The following SBF2 variants were observed in gnomAD, a reference collection of about 807,000 sequenced individuals.
SBF2 encodes myotubularin-related protein 13.
Under a neutral mutation model 225.2 loss-of-function variants are expected in SBF2, and 112 were observed. The ratio of observed to expected loss-of-function variants is 0.50; its 90% CI spans 0.43 to 0.58. The LOEUF is 0.58. SBF2 is among the 20% of genes least tolerant of loss of function. SBF2 has a pLI of 0.00. For synonymous variants in SBF2, 763 were observed against 773.3 expected (o/e 0.99, Z 0.22); for missense variants, 1,996 against 2,206.2 (o/e 0.90, Z 1.91).
intron 2 of SBF2, among the ~76,000 whole-genome samples, chr11:10,109,408 A>G (rs765212810): frequency 1.3e-5 from 2 of 152,230 alleles, no homozygotes; most frequent in East Asian, 1.9e-4. Context: ...GTCTCAATGC[A>G]TAAGACAAAT....
chr11:10,112,871 T>C (rs1186180372), intron 2 of SBF2, among the ~76,000 whole-genome samples: 1 of 152,212 alleles, frequency 6.6e-6, no homozygotes, highest in Non-Finnish European at 1.5e-5. Context: ...GTGCATTACA[T>C]ATGTGTACTT....
intron 1 of SBF2, among the ~76,000 whole-genome samples, chr11:10,227,066 T>G (rs1958598557): frequency 6.6e-6 from 1 of 152,246 alleles, no homozygotes; most frequent in South Asian, 2.1e-4. Flanking sequence ...TGCATTTCTC[T>G]GATGGCCAGT....
intron 17 of SBF2, among the ~76,000 whole-genome samples, chr11:9,880,854 T>C (rs1263080680): frequency 6.6e-6 from 1 of 152,240 alleles, no homozygotes; most frequent in Admixed American, 6.5e-5. Context: ...AGTAGCCTGC[T>C]ACAAAATTCT....
At chr11:9,888,970 T>C (rs778799370) in intron 17 of SBF2, among the ~76,000 whole-genome samples, 1 of 152,220 alleles carries the variant, frequency 6.6e-6, no homozygotes, top group Non-Finnish European at 1.5e-5. Flanking sequence ...ATTAGCTCTC[T>C]TTATTATTCC....
chr11:9,951,490 T>C (rs1344239174), intron 16 of SBF2, among the ~76,000 whole-genome samples: 1 of 152,150 alleles, frequency 6.6e-6, no homozygotes, highest in Non-Finnish European at 1.5e-5. Context: ...GTAATGCAGA[T>C]GAGTAAGACT....
At chr11:10,180,052 T>G (rs1956669834) in intron 2 of SBF2, among the ~76,000 whole-genome samples, 1 of 152,204 alleles carries the variant, frequency 6.6e-6, no homozygotes, top group Non-Finnish European at 1.5e-5. Flanking sequence ...TTCTACCTCA[T>G]TGCTCTGTAT....
rs1286899239 is a variant in SBF2 at position 9,780,456 on chromosome 11, A to G, written c.5512T>C (p.Trp1838Arg). 3.7e-6 allele frequency: 6 copies of G among 1,614,104 alleles called. No individual in the cohort carries two copies. Among genetic ancestry groups the G allele is most frequent in the Non-Finnish European group, 5.1e-6 (6 of 1,180,012 alleles). ...CAQDGQSAQQ[W>R]MDKIQSCISD... is the part of the protein sequence containing the mutation. ...ATACAACTCTGGATCTTGTCCATCC[A>G]TTGCTGGGCACTCTGTCCATCCTGG... is the stretch of plus-strand genomic sequence containing the variant. The change falls in exon 40 of 40, where the codon TGG (tryptophan) becomes CGG (arginine). Residue 1838 changes from tryptophan (W) to arginine (R), a missense_variant. By Grantham distance (101) the Trp-to-Arg change is moderately radical (BLOSUM62 -3). Coordinates refer to ENST00000256190, the MANE Select transcript of SBF2 (RefSeq NM_030962.4).
At chr11:10,285,215 T>A (rs1260794403) in intron 1 of SBF2, among the ~76,000 whole-genome samples, 2 of 151,206 alleles carry the variant, frequency 1.3e-5, no homozygotes, top group African/African-American at 2.4e-5. Flanking sequence ...CAGGCTGAGG[T>A]GGGAAGATGA....
At position 9,963,865 on chromosome 11, in the gene SBF2, C is replaced by A. The variant is rs201806063; in HGVS notation, c.1618G>T (p.Val540Leu). ...GPPVVSIMDK[V>L]TTVFNSAQRL... ...TGTGCACTGTTGAAAACTGTCGTCACCTTGTCCATTATCGAAACTAGTAAA... is the reference window on the plus strand; with the variant it reads ...TGTGCACTGTTGAAAACTGTCGTCAACTTGTCCATTATCGAAACTAGTAAA... The change falls in exon 15 of 40, where the codon GTG (valine) becomes TTG (leucine). Residue 540 changes from valine to leucine, a missense_variant. Val to Leu is a conservative substitution (Grantham distance 32, BLOSUM62 1). Coordinates refer to ENST00000256190, the MANE Select transcript of SBF2 (RefSeq NM_030962.4). 6.3e-7 allele frequency: 1 copy of A among 1,597,598 alleles called. No homozygotes were observed. The highest frequency in any genetic ancestry group is 8.6e-7 in the Non-Finnish European group (1 of 1,165,620).
intron 28 of SBF2, 126 bp from the exon 29 acceptor site, chr11:9,817,150 G>C (rs577298167): frequency 2.1e-6 from 2 of 974,554 alleles, no homozygotes; most frequent in Non-Finnish European, 3.2e-6. Context: ...TCTAAAAACC[G>C]TAAGTCATAT....
At chr11:10,182,192 T>C (rs11042651) in intron 2 of SBF2, among the ~76,000 whole-genome samples, 3,368 of 152,280 alleles carry the variant, frequency 0.022, 97 homozygotes, top group African/African-American at 0.067. Flanking sequence ...TATGGATGTA[T>C]AGATGTATAA....
intron 13 of SBF2, among the ~76,000 whole-genome samples, chr11:9,974,177 C>T (rs1233927735): frequency 1.3e-5 from 2 of 152,062 alleles, no homozygotes; most frequent in Non-Finnish European, 2.9e-5. Flanking sequence ...CTGAGACATT[C>T]AACTGAATGT....
chr11:10,181,311 T>C (rs958646004), intron 2 of SBF2, among the ~76,000 whole-genome samples: 2 of 152,112 alleles, frequency 1.3e-5, no homozygotes, highest in African/African-American at 2.4e-5. Flanking sequence ...AGCTATGAAA[T>C]CTGAGATTTC....
At chr11:10,043,019 C>A (rs1345410882) in intron 2 of SBF2, 38 bp from the exon 3 acceptor site, 3 of 1,583,078 alleles carry the variant, frequency 1.9e-6, no homozygotes, top group Middle Eastern at 1.7e-4. Flanking sequence ...CATTTAAAAA[C>A]AATAAAAGTT....
chr11:10,294,180 G>T lies in SBF2; in HGVS notation c.-111C>A, dbSNP rs769216751. 32 of 828,164 alleles carry T rather than the reference G, an allele frequency of 3.9e-5. No individual in the cohort carries two copies. The highest frequency in any genetic ancestry group is 5.0e-5 in the Non-Finnish European group (31 of 615,882). 51.3% of individuals were successfully genotyped at this position (828,164 alleles called of 1,614,324 possible). On this transcript the variant is annotated 5_prime_UTR_variant, in exon 1 of 40. Transcript: ENST00000256190. ...TCCCTGCAGCGGCAGTAGCGGCAGC[G>T]GCAGCGCTTCAGCCATGTTTGACAA... is the stretch of plus-strand genomic sequence containing the variant.
At chr11:9,860,557 C>T (rs917836302) in intron 17 of SBF2, among the ~76,000 whole-genome samples, 3 of 152,042 alleles carry the variant, frequency 2.0e-5, no homozygotes, top group African/African-American at 2.4e-5. Flanking sequence ...TCTTGAACTC[C>T]TGGGCTCGAG....
intron 2 of SBF2, among the ~76,000 whole-genome samples, chr11:10,131,526 C>T (rs917639279): frequency 3.3e-5 from 5 of 152,176 alleles, no homozygotes; most frequent in African/African-American, 7.2e-5. Context: ...CTCCGCCTCC[C>T]AGGTTCAAGC....
chr11:9,852,541 C>A, intron 21 of SBF2, 135 bp downstream of exon 21: 1 of 727,596 alleles, frequency 1.4e-6, no homozygotes. Context: ...ACTTCTCTGA[C>A]AGTTTAACAT....
Position 9,928,982 on chromosome 11 carries a change from C to T in SBF2, c.1861-32971G>A, listed in dbSNP as rs115889279. On this transcript the variant is annotated intron_variant, in intron 16 of 39. Transcript: ENST00000256190. The stretch of plus-strand genomic sequence containing the variant: ...ATAAAGCAGCAGAGATAACTTGCAA[C>T]ATCAACAATGCATTTGGCCCAGGAA... The T allele has an allele frequency of 0.02, 9,488 of 479,964 alleles. 666 individuals carry two copies. The East Asian group carries it at 0.23, about 12-fold the overall frequency. 29.7% of individuals were successfully genotyped at this position (479,964 alleles called of 1,614,324 possible).
Sources: allele counts gnomAD v4.1 joint callset (sites outside exome capture counted in the v4.1 genomes callset), GRCh38; gene constraint gnomAD v4.1.1; transcripts MANE v1.5; gene names NCBI Gene and HGNC (gene_info 2026-07-23, HGNC 2026-07-21).